The following KCTD8 variants were observed in gnomAD, a reference collection of about 807,000 sequenced individuals.
The protein encoded by KCTD8 is potassium channel tetramerization domain containing 8.
A neutral mutation model predicts 31.5 loss-of-function variants in KCTD8; 27 were observed. The observed-to-expected ratio is 0.86, with a 90% CI of 0.63 to 1.18. The LOEUF (loss-of-function observed/expected upper bound fraction) is 1.18, where lower values mean the gene tolerates loss of function less well. Among genes scored for constraint, KCTD8 ranks in the 50% most tolerant of loss-of-function variants. The pLI, the probability that KCTD8 is intolerant of heterozygous loss-of-function variation, is 0.00. For missense variants in KCTD8, 658 were observed against 647.7 expected (o/e 1.02, Z -0.17); for synonymous variants, 290 against 280.0 (o/e 1.04, Z -0.36).
chr4:44,235,415 A>G (rs1347010160), intron 1 of KCTD8, among the ~76,000 whole-genome samples: 1 of 148,098 alleles, frequency 6.8e-6, no homozygotes, highest in Non-Finnish European at 1.5e-5. Flanking sequence ...ATACACAGAG[A>G]TGTATATACA....
At chr4:44,321,651 A>AT (rs1490792948) in intron 1 of KCTD8, among the ~76,000 whole-genome samples, 1 of 152,176 alleles carries the variant, frequency 6.6e-6, no homozygotes, top group Non-Finnish European at 1.5e-5. Flanking sequence ...GCAATAAATT[A>AT]TTGTTAAGTA....
chr4:44,243,365 G>A (rs1474343618), intron 1 of KCTD8, among the ~76,000 whole-genome samples: 2 of 152,094 alleles, frequency 1.3e-5, no homozygotes, highest in East Asian at 3.9e-4. Flanking sequence ...TATTTCTACT[G>A]CAGTTTATAT....
intron 1 of KCTD8, among the ~76,000 whole-genome samples, chr4:44,425,593 A>ATACT (rs1721326354): frequency 6.6e-6 from 1 of 152,074 alleles, no homozygotes; most frequent in South Asian, 2.1e-4. Context: ...CTTAGGCAGT[A>ATACT]GTTGATGAAT....
At chr4:44,208,631 A>C (rs1714388223) in intron 1 of KCTD8, among the ~76,000 whole-genome samples, 1 of 152,150 alleles carries the variant, frequency 6.6e-6, no homozygotes, top group Admixed American at 6.5e-5. Context: ...CTTGTCCAGG[A>C]GTTGGAATAA....
chr4:44,292,023 C>G (rs1717294279), intron 1 of KCTD8, among the ~76,000 whole-genome samples: 1 of 148,544 alleles, frequency 6.7e-6, no homozygotes, highest in African/African-American at 2.5e-5. Flanking sequence ...CACTTATACA[C>G]TCTTGGTGGG....
chr4:44,203,793 G>A (rs1052314464), intron 1 of KCTD8, among the ~76,000 whole-genome samples: 61 of 151,374 alleles, frequency 4.0e-4, no homozygotes, highest in African/African-American at 1.2e-3. Context: ...AAATGAGAAC[G>A]ATATAATATT....
chr4:44,363,859 C>T (rs555888028), intron 1 of KCTD8, among the ~76,000 whole-genome samples: 3 of 151,820 alleles, frequency 2.0e-5, no homozygotes, highest in East Asian at 1.9e-4. Flanking sequence ...AAACCATTTG[C>T]GGTGCTTGAA....
intron 1 of KCTD8, among the ~76,000 whole-genome samples, chr4:44,345,991 C>T (rs1452035048): frequency 6.6e-6 from 1 of 151,998 alleles, no homozygotes; most frequent in Non-Finnish European, 1.5e-5. Context: ...TTTTATGGTA[C>T]TAGAGATTTC....
Position 44,448,611 on chromosome 4 carries a change from C to T in KCTD8, c.-88G>A. The stretch of plus-strand genomic sequence containing the variant: ...GCCCCAGCCCTCCGCGTGCTCCTGG[C>T]GCTCTGCGCCCTCGGACTGGGCGGC... On this transcript the variant is annotated 5_prime_UTR_variant, in exon 1 of 2. Coordinates refer to ENST00000360029, the MANE Select transcript of KCTD8 (RefSeq NM_198353.3). This position sits in a 1 kb window ranked among gnomAD's most constrained non-coding sequence, Gnocchi z 4.1. 7.7e-7 allele frequency: 1 copy of T among 1,305,816 alleles called. No homozygotes were observed. The highest frequency in any genetic ancestry group is 9.8e-7 in the Non-Finnish European group (1 of 1,023,324). 80.9% of individuals were successfully genotyped at this position (1,305,816 alleles called of 1,614,324 possible).
In KCTD8 at chr4:44,221,347, A is replaced by ATGTG. The variant is rs35222595; in HGVS notation, c.962-46101_962-46098dup. Among the ~76,000 whole-genome samples the ATGTG allele has an allele frequency of 8.6e-4, 128 of 148,266 alleles. 1 individual carries two copies. Among genetic ancestry groups the ATGTG allele is most frequent in the East Asian group, 2.6e-3 (13 of 4,988 alleles). ...GTCCATCAGGTGTGTGTGTGTGTGCATGTGTGTGTGTGTGTGTGTGTGTTT... is the reference window on the plus strand; with the variant it reads ...GTCCATCAGGTGTGTGTGTGTGTGCATGTGTGTGTGTGTGTGTGTGTGTGTGTTT... On this transcript the variant is annotated intron_variant, in intron 1 of 1. Coordinates refer to ENST00000360029, the MANE Select transcript of KCTD8 (RefSeq NM_198353.3).
intron 1 of KCTD8, among the ~76,000 whole-genome samples, chr4:44,351,659 C>T (rs1475812104): frequency 6.6e-6 from 1 of 152,006 alleles, no homozygotes; most frequent in African/African-American, 2.4e-5. Context: ...ATGCAACAAT[C>T]TAGAAAATAT....
At chr4:44,279,210 TCA>T (rs1716831859) in intron 1 of KCTD8, among the ~76,000 whole-genome samples, 1 of 152,118 alleles carries the variant, frequency 6.6e-6, no homozygotes, top group Non-Finnish European at 1.5e-5. Context: ...ATTTATTATC[TCA>T]CAGTTTCAGT....
chr4:44,271,086 C>A (rs1716584287), intron 1 of KCTD8, among the ~76,000 whole-genome samples: 1 of 151,974 alleles, frequency 6.6e-6, no homozygotes, highest in Admixed American at 6.6e-5. Context: ...ATTTAGGAGC[C>A]AATTTGAGGC....
At chr4:44,237,712 A>T (rs1159377666) in intron 1 of KCTD8, among the ~76,000 whole-genome samples, 2 of 152,218 alleles carry the variant, frequency 1.3e-5, no homozygotes. Context: ...TATAAGAAAT[A>T]TAGTCCTCCT....
chr4:44,329,091 C>T (rs1392443204), intron 1 of KCTD8, among the ~76,000 whole-genome samples: 2 of 151,196 alleles, frequency 1.3e-5, no homozygotes, highest in Non-Finnish European at 2.9e-5. Flanking sequence ...AATATTACAT[C>T]AAAGAAGTAA....
At chr4:44,279,357 A>C (rs1008016048) in intron 1 of KCTD8, among the ~76,000 whole-genome samples, 11 of 151,960 alleles carry the variant, frequency 7.2e-5, no homozygotes, top group African/African-American at 2.2e-4. Flanking sequence ...TTCATTCAGG[A>C]GGCTAACAGA....
At chr4:44,285,709 T>G (rs572720887) in intron 1 of KCTD8, among the ~76,000 whole-genome samples, 30 of 152,292 alleles carry the variant, frequency 2.0e-4, no homozygotes, top group African/African-American at 7.2e-4. Context: ...TTTTCCCGCC[T>G]GCTAACACAA....
chr4:44,202,144 T>G (rs1326269502), intron 1 of KCTD8, among the ~76,000 whole-genome samples: 1 of 152,008 alleles, frequency 6.6e-6, no homozygotes, highest in African/African-American at 2.4e-5. Flanking sequence ...AAAAAACAGA[T>G]GCTAATGAGG....
At chr4:44,337,559 A>C (rs1049836099) in intron 1 of KCTD8, among the ~76,000 whole-genome samples, 1 of 151,912 alleles carries the variant, frequency 6.6e-6, no homozygotes, top group African/African-American at 2.4e-5. Context: ...CTGTAGTCCC[A>C]GCTACTCAGG....
Sources: gnomAD v4.1 joint callset for allele counts (sites outside exome capture counted in the v4.1 genomes callset) on GRCh38, gnomAD v4.1.1 for gene constraint, Gnocchi (gnomAD v3.1) non-coding constraint, MANE v1.5 for transcripts, NCBI Gene and HGNC (gene_info 2026-07-23, HGNC 2026-07-21) for gene names.